Variants in CSTF2 observed in about 807,000 individuals in gnomAD.
CSTF2 encodes the protein CF-1 64 kDa subunit.
CSTF2 carries 8 observed loss-of-function variants against 45.4 expected under a neutral mutation model. The ratio of observed to expected loss-of-function variants is 0.18; its 90% confidence interval spans 0.10 to 0.32. The LOEUF (loss-of-function observed/expected upper bound fraction) is 0.32. Ranked by LOEUF, CSTF2 falls within the 10% of genes least tolerant of loss-of-function variation. The pLI is 1.00. For synonymous variants in CSTF2, 155 were observed against 158.9 expected (o/e 0.98, Z 0.18); for missense variants, 253 against 477.1 (o/e 0.53, Z 4.38).
intron 11 of CSTF2, among the ~76,000 whole-genome samples, chrX:100,836,581 G>A (rs886341752): frequency 6.3e-5 from 7 of 111,900 alleles, no homozygotes; most frequent in African/African-American, 2.3e-4. Context: ...CTTGTATAGG[G>A]ACATTCTAAC....
At chrX:100,823,810 T>A in intron 4 of CSTF2, 76 bp from the exon 5 acceptor site, 1 of 1,064,453 alleles carries the variant, frequency 9.4e-7, no homozygotes. Flanking sequence ...ATTACATTTC[T>A]CAGAGGGGAA....
chrX:100,827,917 C>G, intron 7 of CSTF2, 123 bp from the exon 8 acceptor site: 1 of 463,315 alleles, frequency 2.2e-6, no homozygotes. Context: ...TGTTGAATAT[C>G]TTCCTTTGTA....
At chrX:100,822,212 G>A (rs767079766) in intron 2 of CSTF2, 39 bp from the exon 3 acceptor site, 2 of 1,136,947 alleles carry the variant, frequency 1.8e-6, no homozygotes, top group South Asian at 2.0e-5. Context: ...CCCTGTATGT[G>A]TGTAACATTT....
intron 7 of CSTF2, among the ~76,000 whole-genome samples, chrX:100,827,382 A>G (rs1409030966): frequency 8.9e-6 from 1 of 112,432 alleles, no homozygotes; most frequent in African/African-American, 3.2e-5. Context: ...TTGTTCAACA[A>G]TTGTAACTAA....
intron 7 of CSTF2, 98 bp from the exon 8 acceptor site, chrX:100,827,942 G>T: frequency 1.6e-6 from 1 of 612,267 alleles, no homozygotes; most frequent in Admixed American, 3.1e-5. Flanking sequence ...TCTGCTTGTG[G>T]AGCAGAATGA....
At chrX:100,829,509 T>TACAC (rs767794891) in intron 8 of CSTF2, among the ~76,000 whole-genome samples, 1 of 109,692 alleles carries the variant, frequency 9.1e-6, no homozygotes, top group African/African-American at 3.3e-5. Flanking sequence ...TATATATATA[T>TACAC]ACACACACAC....
intron 11 of CSTF2, among the ~76,000 whole-genome samples, chrX:100,836,972 C>T (rs926958156): frequency 8.9e-6 from 1 of 111,868 alleles, no homozygotes; most frequent in Non-Finnish European, 1.9e-5. Context: ...GACCAGCATA[C>T]ATTTTCTCTA....
intron 1 of CSTF2, 74 bp downstream of exon 1, chrX:100,820,548 C>T (rs1372596764): frequency 4.8e-5 from 51 of 1,071,322 alleles, no homozygotes; most frequent in Non-Finnish European, 6.6e-5. Context: ...GAATCGCTAC[C>T]GGAGCCGCTG....
At chrX:100,838,424 C>T in intron 13 of CSTF2, 60 bp downstream of exon 13, 1 of 1,045,857 alleles carries the variant, frequency 9.6e-7, no homozygotes, top group Non-Finnish European at 1.3e-6. Context: ...TGGGTATATA[C>T]TTTTAACCTT....
chrX:100,838,130 C>T, intron 12 of CSTF2, 109 bp from the exon 13 acceptor site: 13 of 797,688 alleles, frequency 1.6e-5, no homozygotes, highest in Non-Finnish European at 2.2e-5. Context: ...CTTCATATCC[C>T]ACTACAGTAG....
At chrX:100,823,210 G>A (rs928254740) in intron 3 of CSTF2, 82 bp from the exon 4 acceptor site, 13 of 1,065,582 alleles carry the variant, frequency 1.2e-5, no homozygotes, top group Non-Finnish European at 1.6e-5. Context: ...GGTTCTTACA[G>A]CAGCCCTGAA....
At position 100,837,415 on chromosome X, in the gene CSTF2, G is replaced by C; in HGVS notation, c.1577G>C (p.Gly526Ala). 1 of 1,208,503 alleles carries C rather than the reference G, an allele frequency of 8.3e-7. No individual in the cohort carries two copies. Among genetic ancestry groups the C allele is most frequent in the Non-Finnish European group, 1.1e-6 (1 of 893,037 alleles). The change falls in exon 12 of 14, where the codon GGG becomes GCG. Residue 526 changes from glycine to alanine, a missense_variant. By Grantham distance (60) the Gly-to-Ala change is moderately conservative. This residue lies in a region of CSTF2 where 200 missense variants were observed against 294.0 expected (regional missense o/e 0.68). Transcript: ENST00000372972. The part of the protein sequence containing the change: ...GGSQPGGFSP[G>A]QNQVTPQDHE... ...AGCCAGCCTGGCGGCTTTAGTCCCGGGCAGAACCAAGTCACTCCACAGGAT... is the reference window on the plus strand; with the variant it reads ...AGCCAGCCTGGCGGCTTTAGTCCCGCGCAGAACCAAGTCACTCCACAGGAT...
rs182293640 is a variant in CSTF2, at chrX:100,831,012, G to A, written c.890-503G>A. 5.8e-5 allele frequency: 27 copies of A among 465,531 alleles called. No homozygotes were observed. In the Admixed American group the frequency reaches 9.1e-4, roughly 16 times the overall value. 38.4% of individuals were successfully genotyped at this position (465,531 alleles called of 1,213,427 possible). A position where few individuals can be genotyped will look rare whatever the true frequency, so the allele number is the denominator to read the frequency against. On this transcript the variant is annotated intron_variant, in intron 8 of 13. Coordinates refer to ENST00000372972, the MANE Select transcript of CSTF2 (RefSeq NM_001325.3). Reference sequence around the variant, plus strand: ...GTTTTTGTTTTTTTAATTTTTTCCTGTTGAGGCCACAAGCCTAAGATTGAC... The same window carrying A: ...GTTTTTGTTTTTTTAATTTTTTCCTATTGAGGCCACAAGCCTAAGATTGAC...
chrX:100,821,712 T>A, intron 2 of CSTF2, 107 bp downstream of exon 2: 6 of 524,127 alleles, frequency 1.1e-5, no homozygotes, highest in Non-Finnish European at 2.0e-5. Flanking sequence ...TCACATACAT[T>A]TTGTTCTTGT....
chrX:100,826,105 G>A (rs1345936865), intron 6 of CSTF2, among the ~76,000 whole-genome samples: 1 of 110,766 alleles, frequency 9.0e-6, no homozygotes, highest in Non-Finnish European at 1.9e-5. Context: ...TTTTCTCAAC[G>A]AGTTTTAATG....
intron 1 of CSTF2, among the ~76,000 whole-genome samples, chrX:100,820,907 A>G (rs1031346132): frequency 1.8e-5 from 2 of 112,293 alleles, no homozygotes; most frequent in Non-Finnish European, 3.8e-5. Flanking sequence ...TAGTGCATCA[A>G]TAGTGGTAGC....
At chrX:100,824,371 C>T in intron 6 of CSTF2, 114 bp downstream of exon 6, 1 of 873,858 alleles carries the variant, frequency 1.1e-6, no homozygotes, top group South Asian at 3.2e-5. Flanking sequence ...ATTTCAATTT[C>T]CAGGCATAAA....
At chrX:100,840,327 TG>T (rs1280436205) in intron 13 of CSTF2, among the ~76,000 whole-genome samples, 1 of 112,147 alleles carries the variant, frequency 8.9e-6, no homozygotes, top group Non-Finnish European at 1.9e-5. Context: ...AGGGCAGTTT[TG>T]CCCCCTAGGT....
chrX:100,831,419 A>G, intron 8 of CSTF2, 96 bp from the exon 9 acceptor site: 1 of 994,268 alleles, frequency 1.0e-6, no homozygotes, highest in Non-Finnish European at 1.4e-6. Flanking sequence ...ACCCACTCTA[A>G]GGTGTCTGAA....
Sources: gnomAD v4.1 joint callset for allele counts (sites outside exome capture counted in the v4.1 genomes callset) on GRCh38, gnomAD v4.1.1 for gene constraint, gnomAD v4.1.1 regional missense constraint, MANE v1.5 for transcripts, NCBI Gene and HGNC (gene_info 2026-07-23, HGNC 2026-07-21) for gene names.